Variants in PKIB observed in about 807,000 individuals in gnomAD.
The protein encoded by PKIB is cAMP-dependent protein kinase inhibitor beta, also known as PKI-beta.
A neutral mutation model predicts 4.5 loss-of-function variants in PKIB; 2 were observed. The observed-to-expected ratio is 0.44, with a 90% CI of 0.18 to 1.39. PKIB has a LOEUF of 1.39. PKIB is among the 40% of genes most tolerant of loss of function. The pLI is 0.27. For synonymous variants in PKIB, 38 were observed against 36.0 expected, an observed-to-expected ratio of 1.06 and a Z score of -0.20; for missense variants, 94 against 92.6, an observed-to-expected ratio of 1.02 and a Z score of -0.06.
intron 2 of PKIB, among the ~76,000 whole-genome samples, chr6:122,493,053 A>AT (rs1311370385): frequency 6.6e-6 from 1 of 152,200 alleles, no homozygotes; most frequent in Non-Finnish European, 1.5e-5. Flanking sequence ...TCTATTGTCT[A>AT]TCTAAACTCA....
rs1774835007 is a variant in PKIB at position 122,613,213 on chromosome 6, T to C, written c.-161+2678T>C. Among the ~76,000 whole-genome samples the C allele has an allele frequency of 1.3e-5, 2 of 152,208 alleles. 1 individual carries two copies. The highest frequency in any genetic ancestry group is 4.1e-4 in the South Asian group (2 of 4,830). ...TGAGACTTAGCCAGCTCTGAATGGC[T>C]GGACAATAAATTCGGTGGTTTTCCA... On this transcript the variant is annotated intron_variant, in intron 1 of 4. Coordinates refer to ENST00000368452, the MANE Select transcript of PKIB (RefSeq NM_181795.3).
intron 2 of PKIB, among the ~76,000 whole-genome samples, chr6:122,514,681 G>A (rs542939665): frequency 6.6e-6 from 1 of 152,314 alleles, no homozygotes; most frequent in South Asian, 2.1e-4. Context: ...TTAGAGAGTA[G>A]TGGGTTTTTT....
At chr6:122,691,866 T>G (rs1778369014) in intron 3 of PKIB, among the ~76,000 whole-genome samples, 1 of 152,166 alleles carries the variant, frequency 6.6e-6, no homozygotes, top group South Asian at 2.1e-4. Context: ...TTGAAAGGAT[T>G]TGGGTATTGT....
chr6:122,716,590 T>C (rs1173251216), intron 3 of PKIB, among the ~76,000 whole-genome samples: 1 of 151,896 alleles, frequency 6.6e-6, no homozygotes, highest in African/African-American at 2.4e-5. Flanking sequence ...CTAAGGACCA[T>C]GCTAAGCTCA....
chr6:122,521,253 T>A (rs2114600083), intron 2 of PKIB, among the ~76,000 whole-genome samples: 1 of 152,322 alleles, frequency 6.6e-6, no homozygotes, highest in South Asian at 2.1e-4. Flanking sequence ...AGTTTGGCTT[T>A]GGGAAGTGAT....
chr6:122,596,853 C>A (rs902555670), intron 3 of PKIB, among the ~76,000 whole-genome samples: 7 of 152,184 alleles, frequency 4.6e-5, no homozygotes, highest in Non-Finnish European at 7.3e-5. Context: ...TGTTGCAGAG[C>A]CTTCTCCTGT....
chr6:122,684,978 T>C (rs1226586286), intron 3 of PKIB, among the ~76,000 whole-genome samples: 2 of 152,160 alleles, frequency 1.3e-5, no homozygotes, highest in African/African-American at 2.4e-5. Flanking sequence ...AATTAGTCTA[T>C]TGAAACATTT....
At chr6:122,687,923 C>A (rs1778156067) in intron 3 of PKIB, among the ~76,000 whole-genome samples, 1 of 151,750 alleles carries the variant, frequency 6.6e-6, no homozygotes, top group Admixed American at 6.6e-5. Flanking sequence ...TTCTTTCTTT[C>A]CAATTTGGAT....
intron 2 of PKIB, among the ~76,000 whole-genome samples, chr6:122,496,151 A>T (rs1056243457): frequency 2.7e-4 from 41 of 152,166 alleles, no homozygotes; most frequent in African/African-American, 9.9e-4. Context: ...TGCTTGTGCT[A>T]CAGTGCTCTT....
intron 1 of PKIB, among the ~76,000 whole-genome samples, chr6:122,620,327 G>A (rs768125120): frequency 2.6e-5 from 4 of 152,100 alleles, no homozygotes; most frequent in African/African-American, 4.8e-5. Context: ...CCATGTGGTC[G>A]TGTGTGTTTT....
intron 2 of PKIB, among the ~76,000 whole-genome samples, chr6:122,491,742 T>G (rs1237494292): frequency 6.6e-6 from 1 of 152,220 alleles, no homozygotes; most frequent in Non-Finnish European, 1.5e-5. Flanking sequence ...GTTATAGTTT[T>G]GATCTGATTT....
intron 3 of PKIB, chr6:122,717,578 C>T (rs1219741980): frequency 6.0e-6 from 3 of 498,642 alleles, no homozygotes; most frequent in African/African-American, 5.9e-5. Flanking sequence ...TTTTAGCAAT[C>T]TGGCTCACAC....
At chr6:122,472,698 T>C (rs1279189885) in intron 1 of PKIB, among the ~76,000 whole-genome samples, 2 of 152,222 alleles carry the variant, frequency 1.3e-5, no homozygotes, top group African/African-American at 4.8e-5. Context: ...CCTAAGAATC[T>C]GGAAGAATGT....
intron 2 of PKIB, among the ~76,000 whole-genome samples, chr6:122,584,089 A>G (rs1773783867): frequency 6.6e-6 from 1 of 152,120 alleles, no homozygotes; most frequent in African/African-American, 2.4e-5. Context: ...AAGGATTGTG[A>G]GTGAGGCAAA....
intron 3 of PKIB, among the ~76,000 whole-genome samples, chr6:122,677,452 G>A (rs887182128): frequency 1.3e-5 from 2 of 152,162 alleles, no homozygotes; most frequent in Non-Finnish European, 2.9e-5. Flanking sequence ...ACCATATATG[G>A]ATGAGGGGTT....
chr6:122,668,608 G>C (rs558474045), intron 2 of PKIB, among the ~76,000 whole-genome samples: 1 of 152,086 alleles, frequency 6.6e-6, no homozygotes, highest in Non-Finnish European at 1.5e-5. Context: ...AGAAATCTTC[G>C]GTCTGACTTC....
At chr6:122,638,286 C>G (rs1275188840) in intron 2 of PKIB, among the ~76,000 whole-genome samples, 1 of 152,158 alleles carries the variant, frequency 6.6e-6, no homozygotes, top group African/African-American at 2.4e-5. Flanking sequence ...GTTGTACCAG[C>G]CTGTACTATA....
At chr6:122,498,089 A>G (rs1047477214) in intron 2 of PKIB, among the ~76,000 whole-genome samples, 1 of 152,238 alleles carries the variant, frequency 6.6e-6, no homozygotes, top group African/African-American at 2.4e-5. Context: ...TTACATGGAA[A>G]TGAAATAACT....
At chr6:122,542,832 C>T (rs1266145190) in intron 2 of PKIB, among the ~76,000 whole-genome samples, 1 of 152,144 alleles carries the variant, frequency 6.6e-6, no homozygotes, top group Non-Finnish European at 1.5e-5. Flanking sequence ...CCTGCAGAGA[C>T]AGGCAGGCCT....
Sources: gnomAD v4.1 joint callset for allele counts (sites outside exome capture counted in the v4.1 genomes callset) on GRCh38, gnomAD v4.1.1 for gene constraint, MANE v1.5 for transcripts, NCBI Gene and HGNC (gene_info 2026-07-23, HGNC 2026-07-21) for gene names.